The following STAP1 variants were observed in gnomAD, a reference collection of about 807,000 sequenced individuals.
STAP1 encodes signal-transducing adaptor protein 1.
A neutral mutation model predicts 37.8 loss-of-function variants in STAP1; 30 were observed. The observed-to-expected ratio is 0.79, with a 90% CI of 0.59 to 1.08. STAP1 has a LOEUF of 1.08. STAP1 is among the 50% of genes least tolerant of loss of function. The probability of loss-of-function intolerance (pLI) is 0.00; values close to 1 mark genes in which losing one functional copy is unlikely to be tolerated. For missense variants in STAP1, 357 were observed against 349.4 expected (o/e 1.02, Z -0.17); for synonymous variants, 130 against 116.0 (o/e 1.12, Z -0.78).
At chr4:67,560,816 C>A (rs570014408) in intron 1 of STAP1, among the ~76,000 whole-genome samples, 1 of 152,184 alleles carries the variant, frequency 6.6e-6, no homozygotes, top group East Asian at 1.9e-4. Flanking sequence ...ACCCGGCTAA[C>A]GTTTGTATTG....
intron 6 of STAP1, among the ~76,000 whole-genome samples, chr4:67,588,025 G>A (rs1247690521): frequency 8.0e-6 from 1 of 124,782 alleles, no homozygotes; most frequent in East Asian, 2.1e-4. Context: ...CACCCGGCTG[G>A]GGACACATTT....
chr4:67,593,360 T>C lies in STAP1; in HGVS notation c.826+4T>C. 6.3e-7 allele frequency: 1 copy of C among 1,590,064 alleles called. No individual in the cohort carries two copies. Among genetic ancestry groups the C allele is most frequent in the Non-Finnish European group, 8.6e-7 (1 of 1,161,748 alleles). Reference sequence around the variant, plus strand: ...TGTTCAACTGATGAAAACACTGGTATGTTTTTCACTTCATTGCTATGTTAA... The same window carrying C: ...TGTTCAACTGATGAAAACACTGGTACGTTTTTCACTTCATTGCTATGTTAA... On this transcript the variant is annotated splice_donor_region_variant and intron_variant, in intron 8 of 8. Transcript: ENST00000265404.
At chr4:67,583,154 T>C (rs1402560966) in intron 5 of STAP1, among the ~76,000 whole-genome samples, 1 of 152,162 alleles carries the variant, frequency 6.6e-6, no homozygotes, top group African/African-American at 2.4e-5. Context: ...TATTTAAATA[T>C]CAGTTGTTTA....
chr4:67,578,258 G>A (rs1256580590), intron 4 of STAP1, among the ~76,000 whole-genome samples: 1 of 152,154 alleles, frequency 6.6e-6, no homozygotes, highest in Non-Finnish European at 1.5e-5. Context: ...AGCCTCCCAA[G>A]GAGCACCATG....
At chr4:67,562,100 G>GAAA in intron 1 of STAP1, among the ~76,000 whole-genome samples, 6 of 139,910 alleles carry the variant, frequency 4.3e-5, no homozygotes, top group East Asian at 2.1e-4. Context: ...AAGAAAGAAA[G>GAAA]AGAGAAAGAA....
intron 4 of STAP1, among the ~76,000 whole-genome samples, chr4:67,580,019 C>T (rs529306621): frequency 3.7e-4 from 57 of 152,198 alleles, no homozygotes; most frequent in African/African-American, 1.3e-3. Context: ...GCACATGCCA[C>T]CCAAAATTTT....
intron 4 of STAP1, among the ~76,000 whole-genome samples, chr4:67,578,742 C>A (rs1727783306): frequency 6.6e-6 from 1 of 151,830 alleles, no homozygotes; most frequent in South Asian, 2.1e-4. Context: ...TTTTTAGTTT[C>A]TTTCCTGGAG....
intron 2 of STAP1, among the ~76,000 whole-genome samples, chr4:67,574,105 A>G (rs1004083666): frequency 6.6e-6 from 1 of 152,124 alleles, no homozygotes; most frequent in Non-Finnish European, 1.5e-5. Flanking sequence ...TCTGGAAAAA[A>G]GTATGAATAT....
chr4:67,562,940 A>G (rs919194625), intron 1 of STAP1, among the ~76,000 whole-genome samples: 1 of 152,140 alleles, frequency 6.6e-6, no homozygotes, highest in African/African-American at 2.4e-5. Flanking sequence ...CATCTTGCAC[A>G]CCTTTGGAAT....
At chr4:67,589,941 ACATATG>A (rs1241793028) in intron 6 of STAP1, among the ~76,000 whole-genome samples, 1 of 152,018 alleles carries the variant, frequency 6.6e-6, no homozygotes, top group Non-Finnish European at 1.5e-5. Context: ...AGCTGGGACC[ACATATG>A]CATGCCACCA....
chr4:67,583,551 G>GT (rs144427229), intron 5 of STAP1, 23 bp from the exon 6 acceptor site: 93,803 of 1,565,574 alleles, frequency 0.06, 3,036 homozygotes, highest in African/African-American at 0.07. Flanking sequence ...AAACAATTCT[G>GT]TTTTTTTATC....
chr4:67,562,365 G>T (rs961330789), intron 1 of STAP1, among the ~76,000 whole-genome samples: 3 of 151,722 alleles, frequency 2.0e-5, no homozygotes, highest in African/African-American at 7.3e-5. Flanking sequence ...ATTTTTTAGG[G>T]CTGTCTAAGT....
rs746072839 is a variant in STAP1, at chr4:67,575,388, G to C, written c.196G>C (p.Val66Leu). ...TGATCTTCCTTTATCTTTGCAGTAT[G>C]TTGACAAATTAGACATAGTAGACCT... is the stretch of plus-strand genomic sequence containing the variant. ...FYTDKKSIIY[V>L]DKLDIVDLTC... Residue 66 changes from valine to leucine, a missense_variant, in exon 3 of 9, where the codon GTT (valine) becomes CTT (leucine). Coordinates refer to ENST00000265404, the MANE Select transcript of STAP1 (RefSeq NM_012108.4). 1 of 1,582,104 alleles carries C rather than the reference G, an allele frequency of 6.3e-7. No homozygotes were observed. Among genetic ancestry groups the C allele is most frequent in the South Asian group, 1.2e-5 (1 of 84,748 alleles).
chr4:67,591,893 A>G (rs557379095), intron 7 of STAP1, among the ~76,000 whole-genome samples: 93 of 152,330 alleles, frequency 6.1e-4, no homozygotes, highest in African/African-American at 2.1e-3. Flanking sequence ...AAAATTCAAT[A>G]AAGAAGGCAG....
intron 1 of STAP1, among the ~76,000 whole-genome samples, chr4:67,568,759 G>A (rs1417073256): frequency 1.3e-5 from 2 of 152,096 alleles, no homozygotes; most frequent in Admixed American, 6.5e-5. Flanking sequence ...CCCCAGCTAT[G>A]AGCCATGTAC....
chr4:67,560,001 G>A (rs1385307438), intron 1 of STAP1, among the ~76,000 whole-genome samples: 1 of 151,908 alleles, frequency 6.6e-6, no homozygotes, highest in African/African-American at 2.4e-5. Flanking sequence ...GATCCTATAT[G>A]CTTTTAATGT....
At chr4:67,561,449 G>A (rs1278188723) in intron 1 of STAP1, among the ~76,000 whole-genome samples, 1 of 152,182 alleles carries the variant, frequency 6.6e-6, no homozygotes, top group Non-Finnish European at 1.5e-5. Context: ...GGCATGAAAT[G>A]CTGAGAGGTG....
intron 1 of STAP1, 63 bp downstream of exon 1, chr4:67,558,992 G>T: frequency 1.3e-6 from 2 of 1,485,226 alleles, no homozygotes; most frequent in Non-Finnish European, 1.8e-6. Context: ...TTTATTTCAT[G>T]GTGATGTGAT....
intron 6 of STAP1, among the ~76,000 whole-genome samples, chr4:67,588,365 T>A (rs1408052855): frequency 6.6e-6 from 1 of 151,924 alleles, no homozygotes; most frequent in Non-Finnish European, 1.5e-5. Flanking sequence ...ATGATGATGA[T>A]GATGATGATG....
Sources: gnomAD v4.1 joint callset for allele counts (sites outside exome capture counted in the v4.1 genomes callset) on GRCh38, gnomAD v4.1.1 for gene constraint, MANE v1.5 for transcripts, NCBI Gene and HGNC (gene_info 2026-07-23, HGNC 2026-07-21) for gene names.